The following CCDC7 variants were observed in gnomAD, a reference collection of about 807,000 sequenced individuals.
CCDC7 encodes coiled-coil domain-containing protein 7.
CCDC7 carries 183 observed loss-of-function variants against 196.9 expected under a neutral mutation model. The ratio of observed to expected loss-of-function variants is 0.93; its 90% CI spans 0.82 to 1.05. CCDC7 has a LOEUF of 1.05. CCDC7 is among the 50% of genes least tolerant of loss of function. The pLI is 0.00. For synonymous variants in CCDC7, 525 were observed against 484.6 expected (o/e 1.08, Z -1.10); for missense variants, 1,540 against 1,482.2 (o/e 1.04, Z -0.64).
intron 28 of CCDC7, among the ~76,000 whole-genome samples, chr10:32,775,098 C>G (rs1055358245): frequency 6.6e-6 from 1 of 152,126 alleles, no homozygotes; most frequent in African/African-American, 2.4e-5. Context: ...GTGGTTTCTT[C>G]TTCAACTCTC....
At chr10:32,684,281 T>C (rs191421890) in intron 21 of CCDC7, among the ~76,000 whole-genome samples, 1 of 152,308 alleles carries the variant, frequency 6.6e-6, no homozygotes, top group African/African-American at 2.4e-5. Flanking sequence ...CCCAGGGTGC[T>C]CAGGAATCCA....
At chr10:32,516,965 A>G (rs2047119942) in intron 9 of CCDC7, among the ~76,000 whole-genome samples, 1 of 152,242 alleles carries the variant, frequency 6.6e-6, no homozygotes, top group Non-Finnish European at 1.5e-5. Context: ...CATATAATGG[A>G]ATGTTATTTG....
intron 31 of CCDC7, among the ~76,000 whole-genome samples, chr10:32,819,197 A>G (rs946034016): frequency 3.9e-5 from 6 of 152,328 alleles, no homozygotes; most frequent in Admixed American, 2.6e-4. Context: ...CTCTACACAA[A>G]TAAACTAGAA....
intron 28 of CCDC7, among the ~76,000 whole-genome samples, chr10:32,743,402 A>G (rs1210619108): frequency 1.3e-5 from 2 of 152,148 alleles, no homozygotes; most frequent in African/African-American, 2.4e-5. Context: ...GAAGCTCTTT[A>G]GTTTAATTAG....
intron 41 of CCDC7, among the ~76,000 whole-genome samples, chr10:32,869,937 T>C (rs2136756052): frequency 6.6e-6 from 1 of 152,222 alleles, no homozygotes; most frequent in African/African-American, 2.4e-5. Context: ...AGGGCTCTGT[T>C]CTGTTCCATT....
At chr10:32,544,128 T>C (rs1021061868) in intron 12 of CCDC7, 119 bp from the exon 14 acceptor site, 6 of 779,724 alleles carry the variant, frequency 7.7e-6, no homozygotes, top group South Asian at 2.4e-5. Flanking sequence ...CTTAGAAATA[T>C]GAATTTTTTT....
intron 18 of CCDC7, among the ~76,000 whole-genome samples, chr10:32,590,053 C>T (rs576687533): frequency 4.9e-4 from 74 of 152,132 alleles, no homozygotes; most frequent in Middle Eastern, 3.4e-3. Context: ...AGTCTATTTA[C>T]ATTCAGTGTT....
chr10:32,708,688 G>A (rs909874821), intron 24 of CCDC7, among the ~76,000 whole-genome samples: 1 of 152,148 alleles, frequency 6.6e-6, no homozygotes, highest in African/African-American at 2.4e-5. Context: ...CTCAAAAGGA[G>A]ACATTTATGC....
chr10:32,681,183 C>T (rs1183624477), intron 21 of CCDC7, among the ~76,000 whole-genome samples: 2 of 152,094 alleles, frequency 1.3e-5, no homozygotes, highest in African/African-American at 4.8e-5. Flanking sequence ...AATTGCTGTG[C>T]TGGAAGTAGC....
chr10:32,648,416 G>C lies in CCDC7; in HGVS notation c.2014+13258G>C, dbSNP rs117126116. 7.9e-3 allele frequency among the ~76,000 whole-genome samples: 1,204 copies of C among 152,146 alleles called. 7 individuals carry two copies. The highest frequency in any genetic ancestry group is 0.02 in the Middle Eastern group (6 of 294). On this transcript the variant is annotated intron_variant, in intron 20 of 41. Transcript: ENST00000639629. Reference sequence around the variant, plus strand: ...AGCATTGAATCTGTAAATTACTTTGGGCAGTATGGCCTTTTTTACTATATT... The same window carrying C: ...AGCATTGAATCTGTAAATTACTTTGCGCAGTATGGCCTTTTTTACTATATT...
chr10:32,463,009 T>G lies in CCDC7; in HGVS notation c.478-8T>G. ...TTCTTTTTTTGTCCCTCTTTTGTTT[T>G]CTTAAAGTGGTTTCAGTGGCAGGTC... On this transcript the variant is annotated splice_polypyrimidine_tract_variant and splice_region_variant and intron_variant, in intron 4 of 41. Transcript: ENST00000639629. The G allele has an allele frequency of 6.2e-7, 1 of 1,613,642 alleles. No homozygotes were observed. Among genetic ancestry groups the G allele is most frequent in the East Asian group, 2.2e-5 (1 of 44,782 alleles).
chr10:32,621,699 AAGGCCCAACAACC>A (rs1367153366), intron 18 of CCDC7, among the ~76,000 whole-genome samples: 1 of 152,146 alleles, frequency 6.6e-6, no homozygotes, highest in African/African-American at 2.4e-5. Context: ...CTGGAATCTG[AAGGCCCAACAACC>A]AGGAGCTCCA....
intron 28 of CCDC7, among the ~76,000 whole-genome samples, chr10:32,777,417 A>G (rs1379034852): frequency 6.6e-6 from 1 of 152,204 alleles, no homozygotes; most frequent in Non-Finnish European, 1.5e-5. Context: ...TTGCCGAGTC[A>G]AATGGTATTT....
intron 29 of CCDC7, among the ~76,000 whole-genome samples, chr10:32,787,296 C>T (rs1192872886): frequency 6.6e-6 from 1 of 150,752 alleles, no homozygotes; most frequent in Non-Finnish European, 1.5e-5. Flanking sequence ...AAAGACAGCC[C>T]TATGGAATGA....
At chr10:32,756,579 C>T (rs12253357) in intron 28 of CCDC7, among the ~76,000 whole-genome samples, 17,280 of 152,206 alleles carry the variant, frequency 0.11, 1,174 homozygotes, top group South Asian at 0.27. Context: ...ACCAGGCCTG[C>T]CTTACAAGAG....
chr10:32,755,327 G>T (rs2076253063), intron 28 of CCDC7, among the ~76,000 whole-genome samples: 1 of 152,150 alleles, frequency 6.6e-6, no homozygotes, highest in Non-Finnish European at 1.5e-5. Context: ...CCTCAAGTGG[G>T]TCCCTGATAC....
intron 20 of CCDC7, among the ~76,000 whole-genome samples, chr10:32,644,102 G>A (rs1447966984): frequency 6.6e-6 from 1 of 151,944 alleles, no homozygotes; most frequent in Non-Finnish European, 1.5e-5. Flanking sequence ...CATTCATGGG[G>A]TACAATATGG....
intron 32 of CCDC7, among the ~76,000 whole-genome samples, chr10:32,827,140 C>G (rs918576106): frequency 6.6e-6 from 1 of 152,178 alleles, no homozygotes; most frequent in Non-Finnish European, 1.5e-5. Flanking sequence ...GCCTCTTTCC[C>G]CAGCCACGCC....
chr10:32,738,481 T>C (rs1297207940), intron 28 of CCDC7, among the ~76,000 whole-genome samples: 1 of 148,024 alleles, frequency 6.8e-6, no homozygotes, highest in Non-Finnish European at 1.5e-5. Context: ...CACTTTTTTT[T>C]TTTTTTTTTT....
Sources: allele counts gnomAD v4.1 joint callset (sites outside exome capture counted in the v4.1 genomes callset), GRCh38; gene constraint gnomAD v4.1.1; transcripts MANE v1.5; gene names NCBI Gene and HGNC (gene_info 2026-07-23, HGNC 2026-07-21).